The following MINAR1 variants were observed in gnomAD, a reference collection of about 807,000 sequenced individuals.
The protein encoded by MINAR1 is membrane integral NOTCH2 associated receptor 1.
In MINAR1, 40 loss-of-function variants were observed where a neutral mutation model predicts 65.1. The ratio of observed to expected loss-of-function variants is 0.61; its 90% CI spans 0.48 to 0.80. MINAR1 has a LOEUF of 0.80. Ranked by LOEUF, MINAR1 falls within the 30% of genes least tolerant of loss-of-function variation. The pLI is 0.00. For missense variants in MINAR1, 1,128 were observed against 1,148.0 expected, an observed-to-expected ratio of 0.98 and a Z score of 0.25; for synonymous variants, 482 against 449.1, an observed-to-expected ratio of 1.07 and a Z score of -0.93.
chr15:79,441,052 C>A (rs1894855319), intron 1 of MINAR1, among the ~76,000 whole-genome samples: 1 of 152,084 alleles, frequency 6.6e-6, no homozygotes, highest in South Asian at 2.1e-4. Flanking sequence ...TTGTTAGTAA[C>A]CTCAGGAAGA....
chr15:79,430,814 G>C (rs1014337228), upstream of MINAR1, among the ~76,000 whole-genome samples: 3 of 152,298 alleles, frequency 2.0e-5, no homozygotes, highest in East Asian at 5.8e-4. Context: ...TTGTCAACAC[G>C]TATCACCCTG....
intron 1 of MINAR1, among the ~76,000 whole-genome samples, chr15:79,452,875 CTGTG>C (rs1053139730): frequency 6.8e-6 from 1 of 147,658 alleles, no homozygotes; most frequent in Non-Finnish European, 1.5e-5. Context: ...GAGTGTGAAG[CTGTG>C]TGAGTGTGTG....
At chr15:79,450,393 G>T (rs1177073185) in intron 1 of MINAR1, among the ~76,000 whole-genome samples, 1 of 152,296 alleles carries the variant, frequency 6.6e-6, no homozygotes, top group Middle Eastern at 3.4e-3. Flanking sequence ...GACGCACAAA[G>T]TAAGAGTCAC....
chr15:79,450,303 C>G (rs1236561294), intron 1 of MINAR1, among the ~76,000 whole-genome samples: 1 of 152,192 alleles, frequency 6.6e-6, no homozygotes, highest in African/African-American at 2.4e-5. Flanking sequence ...CTAGCCCAGT[C>G]TCATGCACCT....
At position 79,456,519 on chromosome 15, in the gene MINAR1, G is replaced by A. The variant is rs372451319; in HGVS notation, c.372G>A (p.Ser124=). The change falls in exon 2 of 4, where the codon TCG becomes TCA. Residue 124 remains serine, a synonymous_variant. Transcript: ENST00000305428. Reference sequence around the variant, plus strand: ...AGGCATCCTTTGAATCATGTAGGTCGGACACAGAGATCTGCAATGCAGCTG... The same window carrying A: ...AGGCATCCTTTGAATCATGTAGGTCAGACACAGAGATCTGCAATGCAGCTG... ...KKEASFESCR[S]DTEICNAAEC... 7.1e-5 allele frequency: 115 copies of A among 1,613,856 alleles called. No individual in the cohort carries two copies. The highest frequency in any genetic ancestry group is 8.7e-5 in the Non-Finnish European group (103 of 1,180,036).
chr15:79,448,405 CACAA>C (rs1895081579), intron 1 of MINAR1, among the ~76,000 whole-genome samples: 1 of 152,286 alleles, frequency 6.6e-6, no homozygotes, highest in Non-Finnish European at 1.5e-5. Flanking sequence ...TTAGAGGTGA[CACAA>C]ACAATGTAGA....
intron 3 of MINAR1, among the ~76,000 whole-genome samples, chr15:79,465,504 C>A (rs914500230): frequency 5.9e-5 from 9 of 151,946 alleles, no homozygotes; most frequent in South Asian, 2.1e-4. Context: ...CTACTTGGTG[C>A]GATTACAGCT....
chr15:79,470,713 T>C lies in MINAR1; in HGVS notation c.*2329T>C, dbSNP rs1194337718. On this transcript the variant is annotated 3_prime_UTR_variant, in exon 4 of 4. Coordinates refer to ENST00000305428, the MANE Select transcript of MINAR1 (RefSeq NM_015206.3). ...GTCAGAAATTCAGTCTTGCTCTGAGTCCACAGTAGCTTTAAAATTCAACTC... is the reference window on the plus strand; with the variant it reads ...GTCAGAAATTCAGTCTTGCTCTGAGCCCACAGTAGCTTTAAAATTCAACTC... 6.6e-6 allele frequency: 1 copy of C among 152,192 alleles called. No individual in the cohort carries two copies. Among genetic ancestry groups the C allele is most frequent in the Non-Finnish European group, 1.5e-5 (1 of 68,038 alleles). 9.4% of individuals were successfully genotyped at this position (152,192 alleles called of 1,614,324 possible).
chr15:79,428,721 A>G (rs1489876026), upstream of MINAR1, among the ~76,000 whole-genome samples: 1 of 152,198 alleles, frequency 6.6e-6, no homozygotes, highest in Non-Finnish European at 1.5e-5. Flanking sequence ...GTTTACCTAG[A>G]TAGTAGGTGA....
chr15:79,456,545 AGT>A lies in MINAR1; in HGVS notation c.402_403del (p.Cys134Ter). 1 of 1,614,084 alleles carries A rather than the reference AGT, an allele frequency of 6.2e-7. No homozygotes were observed. Among genetic ancestry groups the A allele is most frequent in the Non-Finnish European group, 8.5e-7 (1 of 1,180,010 alleles). On this transcript the variant is annotated frameshift_variant, in exon 2 of 4. Transcript: ENST00000305428. LOFTEE classifies it high-confidence loss of function. Reference sequence around the variant, plus strand: ...GACACAGAGATCTGCAATGCAGCTGAGTGTGAGCCCCTGAACTGTGAGCTGAG... The same window carrying A: ...GACACAGAGATCTGCAATGCAGCTGAGTGAGCCCCTGAACTGTGAGCTGAG...
intron 2 of MINAR1, among the ~76,000 whole-genome samples, chr15:79,458,942 A>G (rs1231429075): frequency 6.6e-6 from 1 of 152,162 alleles, no homozygotes; most frequent in Non-Finnish European, 1.5e-5. Flanking sequence ...TAGGAAGTAA[A>G]GAAGATAAAT....
rs771057474 is a variant in MINAR1 at position 79,470,929 on chromosome 15, A to T, written c.*2545A>T. On this transcript the variant is annotated 3_prime_UTR_variant, in exon 4 of 4. Coordinates refer to ENST00000305428, the MANE Select transcript of MINAR1 (RefSeq NM_015206.3). ...TTGGATGCTTGGGGTCTTGGGATAG[A>T]TAGAAGGTGAGGTTCACAGTTGGAG... 6.6e-6 allele frequency: 1 copy of T among 152,192 alleles called. No homozygotes were observed. The highest frequency in any genetic ancestry group is 1.5e-5 in the Non-Finnish European group (1 of 68,058). 9.4% of individuals were successfully genotyped at this position (152,192 alleles called of 1,614,324 possible).
intron 1 of MINAR1, among the ~76,000 whole-genome samples, chr15:79,445,594 G>T (rs1013300208): frequency 2.8e-5 from 4 of 144,722 alleles, no homozygotes; most frequent in African/African-American, 1.0e-4. Flanking sequence ...TGTTGCCCAG[G>T]CTGGAGTGCA....
rs1472129346 is a variant in MINAR1, at chr15:79,471,798, G to A, written c.*3414G>A. 6.6e-6 allele frequency: 1 copy of A among 152,004 alleles called. No individual in the cohort carries two copies. The highest frequency in any genetic ancestry group is 2.4e-5 in the African/African-American group (1 of 41,226). 9.4% of individuals were successfully genotyped at this position (152,004 alleles called of 1,614,324 possible). A position where few individuals can be genotyped will look rare whatever the true frequency, so the allele number is the denominator to read the frequency against. The stretch of plus-strand genomic sequence containing the variant: ...TTAAGTGGTATAAAAATTTGTGAAT[G>A]TTGAAATTCAACATGCTTCATATTA... On this transcript the variant is annotated 3_prime_UTR_variant, in exon 4 of 4. Coordinates refer to ENST00000305428, the MANE Select transcript of MINAR1 (RefSeq NM_015206.3).
chr15:79,422,706 C>T, the MINAR1 span: 7 of 151,792 alleles, frequency 4.6e-5, no homozygotes, highest in Non-Finnish European at 1.0e-4. Context: ...CAAGTAGATG[C>T]CACAGTTCAA....
intron 3 of MINAR1, among the ~76,000 whole-genome samples, chr15:79,464,547 A>G (rs1895770954): frequency 1.3e-5 from 2 of 152,216 alleles, no homozygotes; most frequent in African/African-American, 2.4e-5. Flanking sequence ...AATAAGTCTC[A>G]TGGTCTTTCT....
the MINAR1 span, chr15:79,413,474 C>G: frequency 1.3e-5 from 2 of 152,208 alleles, no homozygotes; most frequent in Non-Finnish European, 2.9e-5. Flanking sequence ...TGTATTGACT[C>G]CTTCAGTGAA....
At chr15:79,417,633 T>A in the MINAR1 span, 2 of 152,250 alleles carry the variant, frequency 1.3e-5, no homozygotes, top group African/African-American at 4.8e-5. Context: ...AGAAATCATC[T>A]GTTTGCTGCT....
chr15:79,413,657 T>C, the MINAR1 span: 1 of 152,210 alleles, frequency 6.6e-6, no homozygotes, highest in Non-Finnish European at 1.5e-5. Flanking sequence ...GGAATGAGCA[T>C]GGGAATAAAC....
Sources: allele counts gnomAD v4.1 joint callset (sites outside exome capture counted in the v4.1 genomes callset), GRCh38; gene constraint gnomAD v4.1.1; transcripts MANE v1.5; gene names NCBI Gene and HGNC (gene_info 2026-07-23, HGNC 2026-07-21).